CCNO: variants seen among roughly 807,000 people sequenced by gnomAD.
The protein encoded by CCNO is cyclin-O.
In CCNO, 24 loss-of-function variants were observed where a neutral mutation model predicts 23.9. The ratio of observed to expected loss-of-function variants is 1.00; its 90% CI spans 0.73 to 1.41. The LOEUF (loss-of-function observed/expected upper bound fraction) is 1.41, where lower values mean the gene tolerates loss of function less well. Ranked by LOEUF, CCNO falls within the 40% of genes most tolerant of loss-of-function variation. The pLI is 0.00. For missense variants in CCNO, 542 were observed against 476.2 expected (o/e 1.14, Z -1.29); for synonymous variants, 241 against 225.7 (o/e 1.07, Z -0.61).
chr5:55,231,885 C>G (rs1338367402), intron 2 of CCNO, 25 bp from the exon 3 acceptor site: 1 of 1,506,858 alleles, frequency 6.6e-7, no homozygotes, highest in Admixed American at 2.1e-5. Flanking sequence ...GCACTCAACC[C>G]CGCTTTGCGG....
At chr5:55,232,318 G>C (rs1745607951) in intron 2 of CCNO, 43 bp downstream of exon 2, 1 of 1,537,038 alleles carries the variant, frequency 6.5e-7, no homozygotes, top group South Asian at 1.2e-5. Context: ...GAGTTTGGCT[G>C]CGTCCCCAGA....
In CCNO at chr5:55,233,583, G is replaced by A. The variant is rs1281049463; in HGVS notation, c.-60C>T. 57 of 1,448,944 alleles carry A rather than the reference G, an allele frequency of 3.9e-5. No homozygotes were observed. The highest frequency in any genetic ancestry group is 4.5e-5 in the Non-Finnish European group (50 of 1,104,114). The allele number at this position is 1,448,944 out of a possible 1,614,324, so 89.8% of individuals were successfully genotyped here. The stretch of plus-strand genomic sequence containing the variant: ...GCCCGGGCTGCGGCGGGCAGCAAAC[G>A]CGCACTCGAAAGTGCGAAGGAGGCC... On this transcript the variant is annotated 5_prime_UTR_variant, in exon 1 of 3. Coordinates refer to ENST00000282572, the MANE Select transcript of CCNO (RefSeq NM_021147.5).
rs377600717 is a variant in CCNO, at chr5:55,231,695, C to T, written c.733G>A (p.Val245Met). The T allele has an allele frequency of 1.9e-6, 3 of 1,576,516 alleles. No individual in the cohort carries two copies. The highest frequency in any genetic ancestry group is 1.3e-5 in the African/African-American group (1 of 74,250). ...GAGGCCTCAGCCTGCCCCGCCTCCA[C>T]GCGAGCGTGCGTGAAATGCTCCAGG... ...FFLEHFTHAR[V>M]EAGQAEASEA... The change falls in exon 3 of 3, where the codon GTG becomes ATG. Residue 245 changes from valine to methionine, a missense_variant. Physicochemically the swap from Val to Met is conservative, Grantham distance 21. Coordinates refer to ENST00000282572, the MANE Select transcript of CCNO (RefSeq NM_021147.5).
chr5:55,233,131 C>A lies in CCNO; in HGVS notation c.381+12G>T. On this transcript the variant is annotated intron_variant, in intron 1 of 2. Coordinates refer to ENST00000282572, the MANE Select transcript of CCNO (RefSeq NM_021147.5). ...GAGCGGCGGCGTGGAGCTGGCTCTACCAGCACCTCACTTGTGGCTGCCGTG... is the reference window on the plus strand; with the variant it reads ...GAGCGGCGGCGTGGAGCTGGCTCTAACAGCACCTCACTTGTGGCTGCCGTG... The A allele has an allele frequency of 6.5e-7, 1 of 1,539,464 alleles. No individual in the cohort carries two copies.
chr5:55,233,460 C>T lies in CCNO; in HGVS notation c.64G>A (p.Asp22Asn). ...TTCACCGGGGCGCGAAGGTTCTGGT[C>T]GTTGTCCCGCCTCCCCGCTCGGGCG... ...PAARAGRRDN[D>N]QNLRAPVKKS... Residue 22 changes from aspartate (D) to asparagine (N), a missense_variant, in exon 1 of 3, where the codon GAC (aspartate) becomes AAC (asparagine). Transcript: ENST00000282572. 6.2e-7 allele frequency: 1 copy of T among 1,602,186 alleles called. No individual in the cohort carries two copies. The highest frequency in any genetic ancestry group is 8.5e-7 in the Non-Finnish European group (1 of 1,174,964).
Position 55,231,592 on chromosome 5 carries a change from G to C in CCNO, c.836C>G (p.Ser279Cys). ...SLADYAFTSY[S>C]PSLLAICCLA... The stretch of plus-strand genomic sequence containing the variant: ...GCAGCAGATCGCCAGGAGGGAAGGG[G>C]AGTAGCTGGTGAAGGCATAGTCGGC... Residue 279 changes from serine (S) to cysteine (C), a missense_variant, in exon 3 of 3, where the codon TCC (serine) becomes TGC (cysteine). Transcript: ENST00000282572. 2 of 1,613,292 alleles carry C rather than the reference G, an allele frequency of 1.2e-6. No individual in the cohort carries two copies. Among genetic ancestry groups the C allele is most frequent in the East Asian group, 4.5e-5 (2 of 44,876 alleles).
Position 55,231,229 on chromosome 5 carries a change from G to C in CCNO, c.*146C>G, listed in dbSNP as rs898113828. 7 of 812,570 alleles carry C rather than the reference G, an allele frequency of 8.6e-6. No individual in the cohort carries two copies. Among genetic ancestry groups the C allele is most frequent in the South Asian group, 3.6e-5 (2 of 55,100 alleles). The allele number at this position is 812,570 out of a possible 1,614,324, so 50.3% of individuals were successfully genotyped here. A position where few individuals can be genotyped will look rare whatever the true frequency, so the allele number is the denominator to read the frequency against. Reference sequence around the variant, plus strand: ...TCGCTGCAAAATAAATAAAATACCAGATGCTAGTATCGTACACTATTTACA... The same window carrying C: ...TCGCTGCAAAATAAATAAAATACCACATGCTAGTATCGTACACTATTTACA... On this transcript the variant is annotated 3_prime_UTR_variant, in exon 3 of 3. Coordinates refer to ENST00000282572, the MANE Select transcript of CCNO (RefSeq NM_021147.5).
At position 55,232,372 on chromosome 5, in the gene CCNO, C is replaced by T; in HGVS notation, c.556G>A (p.Ala186Thr). ...QLLGVTSLLI[A>T]CKQVEVHPPR... The stretch of plus-strand genomic sequence containing the variant: ...GATACCCCAGGTACCTGTTTGCAAG[C>T]GATGAGCAAGGAGGTGACCCCAAGC... Residue 186 changes from alanine to threonine, a missense_variant, in exon 2 of 3, where the codon GCT (alanine) becomes ACT (threonine). Transcript: ENST00000282572. The T allele has an allele frequency of 3.1e-6, 5 of 1,613,626 alleles. No homozygotes were observed. The South Asian group carries it at 5.5e-5, about 18-fold the overall frequency.
Position 55,233,524 on chromosome 5 carries a change from G to C in CCNO, c.-1C>G, listed in dbSNP as rs770375339. 2.5e-5 allele frequency: 39 copies of C among 1,550,934 alleles called. No individual in the cohort carries two copies. Among genetic ancestry groups the C allele is most frequent in the Non-Finnish European group, 3.3e-5 (38 of 1,151,784 alleles). On this transcript the variant is annotated 5_prime_UTR_variant, in exon 1 of 3. It adds an upstream start codon to the 5' untranslated region. Transcript: ENST00000282572. ...GGCTGGTGGGACAGGGGGTCACCAT[G>C]ATGCGGCCGGGTGGCCGCTTTACTA...
At chr5:55,231,967 G>T in intron 2 of CCNO, 107 bp from the exon 3 acceptor site, 1 of 1,277,912 alleles carries the variant, frequency 7.8e-7, no homozygotes, top group South Asian at 1.5e-5. Flanking sequence ...GACAGCCGGG[G>T]CTCTGCCTCT....
In CCNO at chr5:55,231,577, G is replaced by T; in HGVS notation, c.851C>A (p.Ala284Glu). 1 of 1,613,486 alleles carries T rather than the reference G, an allele frequency of 6.2e-7. No individual in the cohort carries two copies. Among genetic ancestry groups the T allele is most frequent in the Non-Finnish European group, 8.5e-7 (1 of 1,179,920 alleles). Residue 284 changes from alanine (A) to glutamate (E), a missense_variant, in exon 3 of 3, where the codon GCG becomes GAG. Ala to Glu is a moderately radical substitution (Grantham distance 107). Transcript: ENST00000282572. ...AFTSYSPSLLAICCLALADRM... is the reference protein window; with the variant it reads ...AFTSYSPSLLEICCLALADRM... ...GTCCGCCAGCGCCAGGCAGCAGATC[G>T]CCAGGAGGGAAGGGGAGTAGCTGGT...
intron 2 of CCNO, 87 bp from the exon 3 acceptor site, chr5:55,231,947 C>T: frequency 3.5e-6 from 5 of 1,412,852 alleles, no homozygotes; most frequent in Non-Finnish European, 4.6e-6. Flanking sequence ...TTCCCCATCC[C>T]TTCCAGAGAG....
chr5:55,233,080 G>T, intron 1 of CCNO, 63 bp downstream of exon 1: 1 of 1,493,124 alleles, frequency 6.7e-7, no homozygotes, highest in Non-Finnish European at 8.9e-7. Context: ...GCCGGCAGGA[G>T]AGGAGAGAGC....
chr5:55,232,632 G>C (rs1273884816), intron 1 of CCNO, 86 bp from the exon 2 acceptor site: 2 of 1,325,896 alleles, frequency 1.5e-6, no homozygotes, highest in Admixed American at 1.8e-5. Flanking sequence ...AGAAGAATCG[G>C]GGAGCTTCCC....
Position 55,231,248 on chromosome 5 carries a change from A to G in CCNO, c.*127T>C, listed in dbSNP as rs960207765. ...ATACCAGATGCTAGTATCGTACACTATTTACAACCTGCAGCTGACCAAGCA... is the reference window on the plus strand; with the variant it reads ...ATACCAGATGCTAGTATCGTACACTGTTTACAACCTGCAGCTGACCAAGCA... On this transcript the variant is annotated 3_prime_UTR_variant, in exon 3 of 3. Coordinates refer to ENST00000282572, the MANE Select transcript of CCNO (RefSeq NM_021147.5). The G allele has an allele frequency of 2.9e-6, 3 of 1,028,830 alleles. No homozygotes were observed. The highest frequency in any genetic ancestry group is 3.2e-5 in the African/African-American group (2 of 62,422). The allele number at this position is 1,028,830 out of a possible 1,614,324, so 63.7% of individuals were successfully genotyped here.
rs1395135239 is a variant in CCNO at position 55,233,445 on chromosome 5, C to T, written c.79G>A (p.Ala27Thr). 1 of 1,604,358 alleles carries T rather than the reference C, an allele frequency of 6.2e-7. No homozygotes were observed. Among genetic ancestry groups the T allele is most frequent in the South Asian group, 1.1e-5 (1 of 89,670 alleles). Reference sequence around the variant, plus strand: ...GGACGCCTGCTCTTCTTCACCGGGGCGCGAAGGTTCTGGTCGTTGTCCCGC... The same window carrying T: ...GGACGCCTGCTCTTCTTCACCGGGGTGCGAAGGTTCTGGTCGTTGTCCCGC... ...GRRDNDQNLR[A>T]PVKKSRRPRL... is the part of the protein sequence containing the mutation. Residue 27 changes from alanine (A) to threonine (T), a missense_variant, in exon 1 of 3, where the codon GCC (alanine) becomes ACC (threonine). Ala to Thr is a moderately conservative substitution (Grantham distance 58, BLOSUM62 0). Coordinates refer to ENST00000282572, the MANE Select transcript of CCNO (RefSeq NM_021147.5).
intron 2 of CCNO, 146 bp from the exon 3 acceptor site, chr5:55,232,006 C>A: frequency 1.0e-6 from 1 of 962,734 alleles, no homozygotes; most frequent in Non-Finnish European, 1.5e-6. Context: ...TGACCTAGAG[C>A]GTACTTCCAG....
Position 55,233,223 on chromosome 5 carries a change from A to G in CCNO, c.301T>C (p.Tyr101His), listed in dbSNP as rs769780049. 22 of 1,576,346 alleles carry G rather than the reference A, an allele frequency of 1.4e-5. No homozygotes were observed. In the East Asian group the frequency reaches 4.4e-4, roughly 31 times the overall value. ...AQLDLQTFRD[Y>H]GQSCYAFRKA... is the part of the protein sequence containing the mutation. ...CGGAAGGCGTAGCAGCTCTGGCCGT[A>G]GTCGCGGAAGGTCTGTAGATCTAGC... Residue 101 changes from tyrosine to histidine, a missense_variant, in exon 1 of 3, where the codon TAC becomes CAC. Transcript: ENST00000282572.
At position 55,233,579 on chromosome 5, in the gene CCNO, A is replaced by T. The variant is rs1358892724; in HGVS notation, c.-56T>A. The T allele has an allele frequency of 6.9e-7, 1 of 1,454,524 alleles. No individual in the cohort carries two copies. The highest frequency in any genetic ancestry group is 9.0e-7 in the Non-Finnish European group (1 of 1,107,866). The allele number at this position is 1,454,524 out of a possible 1,614,324, so 90.1% of individuals were successfully genotyped here. On this transcript the variant is annotated 5_prime_UTR_variant, in exon 1 of 3. Coordinates refer to ENST00000282572, the MANE Select transcript of CCNO (RefSeq NM_021147.5). ...CAACGCCCGGGCTGCGGCGGGCAGC[A>T]AACGCGCACTCGAAAGTGCGAAGGA... is the stretch of plus-strand genomic sequence containing the variant.
Sources: gnomAD v4.1 joint callset for allele counts on GRCh38, gnomAD v4.1.1 for gene constraint, MANE v1.5 for transcripts, NCBI Gene and HGNC (gene_info 2026-07-23, HGNC 2026-07-21) for gene names.